Variants in SMG1 observed in about 807,000 individuals in gnomAD.
SMG1 encodes SMG1 nonsense mediated mRNA decay associated PI3K related kinase, also known as serine/threonine-protein kinase SMG1.
A neutral mutation model predicts 419.9 loss-of-function variants in SMG1; 22 were observed. The ratio of observed to expected loss-of-function variants is 0.05; its 90% CI spans 0.04 to 0.07. The LOEUF (loss-of-function observed/expected upper bound fraction) is 0.07, where lower values mean the gene tolerates loss of function less well. Among genes scored for constraint, SMG1 ranks in the 10% least tolerant of loss-of-function variants. The probability of loss-of-function intolerance (pLI) is 1.00; values close to 1 mark genes in which losing one functional copy is unlikely to be tolerated. For synonymous variants in SMG1, 1,538 were observed against 1,553.5 expected (o/e 0.99, Z 0.23); for missense variants, 3,185 against 4,342.0 (o/e 0.73, Z 7.49).
intron 22 of SMG1, 126 bp from the exon 23 acceptor site, chr16:18,866,901 TCAC>T (rs1167489681): frequency 1.5e-6 from 1 of 650,440 alleles, no homozygotes; most frequent in Non-Finnish European, 2.6e-6. Context: ...TTCACAATTT[TCAC>T]ATTATTTAGC....
chr16:18,882,964 T>A (rs1233681474), intron 9 of SMG1, among the ~76,000 whole-genome samples: 1 of 152,064 alleles, frequency 6.6e-6, no homozygotes, highest in Non-Finnish European at 1.5e-5. Context: ...GTGTGGCTTA[T>A]GAGAGGTAAA....
chr16:18,902,907 T>C (rs536792784), intron 1 of SMG1, among the ~76,000 whole-genome samples: 1 of 152,128 alleles, frequency 6.6e-6, no homozygotes, highest in East Asian at 1.9e-4. Context: ...AGTGGCGCAA[T>C]CCGAGCTCAA....
intron 1 of SMG1, among the ~76,000 whole-genome samples, chr16:18,924,619 CTT>C (rs2038320608): frequency 1.3e-5 from 2 of 152,250 alleles, no homozygotes; most frequent in African/African-American, 2.4e-5. Context: ...CTCACAAACT[CTT>C]AAGTGGTACA....
chr16:18,843,688 AAAG>A (rs1217580025), intron 39 of SMG1, among the ~76,000 whole-genome samples: 3 of 152,226 alleles, frequency 2.0e-5, no homozygotes, highest in East Asian at 1.9e-4. Context: ...ATGGCAGTAA[AAAG>A]AAGTAGACGT....
intron 19 of SMG1, 33 bp from the exon 20 acceptor site, chr16:18,869,336 T>C (rs2035688245): frequency 6.5e-7 from 1 of 1,530,808 alleles, no homozygotes; most frequent in South Asian, 1.2e-5. Context: ...TAAAAGACAA[T>C]GACAACTTCA....
At position 18,837,378 on chromosome 16, in the gene SMG1, A is replaced by G. The variant is rs750001788; in HGVS notation, c.7479T>C (p.Asp2493=). 5.0e-6 allele frequency: 8 copies of G among 1,613,882 alleles called. No homozygotes were observed. The African/African-American group carries it at 1.1e-4, about 22-fold the overall frequency. ...VVLPKLDGSL[D]EYLSLQEQLT... ...GTTGCTCTTGCAAGCTTAGGTATTC[A>G]TCTAAGCTACCGTCCAACTTGGGAA... The change falls in exon 46 of 63, where the codon GAT becomes GAC. Residue 2493 remains aspartate, a synonymous_variant. Coordinates refer to ENST00000446231, the MANE Select transcript of SMG1 (RefSeq NM_015092.5).
chr16:18,862,396 T>C (rs1253138756), intron 25 of SMG1, among the ~76,000 whole-genome samples: 2 of 152,234 alleles, frequency 1.3e-5, no homozygotes, highest in African/African-American at 4.8e-5. Flanking sequence ...ACAAAGGCTC[T>C]AGAGTATAGA....
chr16:18,850,317 T>C lies in SMG1; in HGVS notation c.5203A>G (p.Lys1735Glu). ...ATEGVIKVWR[K>E]VVDRIFSLYK... is the part of the protein sequence containing the mutation. ...AGGCTGAATATTCTATCTACAACTTTCCTCCACACTTTAATAACTCCTTCA... is the reference window on the plus strand; with the variant it reads ...AGGCTGAATATTCTATCTACAACTTCCCTCCACACTTTAATAACTCCTTCA... The change falls in exon 34 of 63, where the codon AAA becomes GAA. Residue 1735 changes from lysine to glutamate, a missense_variant. This residue lies in a region of SMG1 where 493 missense variants were observed against 552.9 expected (regional missense o/e 0.89). Transcript: ENST00000446231. 6.2e-7 allele frequency: 1 copy of C among 1,613,960 alleles called. No homozygotes were observed. Among genetic ancestry groups the C allele is most frequent in the Non-Finnish European group, 8.5e-7 (1 of 1,179,874 alleles).
At chr16:18,867,417 C>T (rs568487591) in intron 22 of SMG1, among the ~76,000 whole-genome samples, 1 of 151,704 alleles carries the variant, frequency 6.6e-6, no homozygotes, top group East Asian at 1.9e-4. Flanking sequence ...GCCTGTAATC[C>T]CAGGGACTGA....
chr16:18,910,331 A>C (rs1365789458), intron 1 of SMG1, among the ~76,000 whole-genome samples: 1 of 151,250 alleles, frequency 6.6e-6, no homozygotes, highest in Non-Finnish European at 1.5e-5. Flanking sequence ...CCTGGGTTCA[A>C]GCAATTCTCC....
intron 12 of SMG1, among the ~76,000 whole-genome samples, 163 bp from the exon 13 acceptor site, chr16:18,876,556 G>A (rs967572474): frequency 3.9e-5 from 6 of 152,028 alleles, no homozygotes; most frequent in African/African-American, 1.2e-4. Flanking sequence ...TTAAAAACCA[G>A]TCAGAAAACT....
intron 12 of SMG1, among the ~76,000 whole-genome samples, chr16:18,876,663 C>CATT (rs1555500377): frequency 3.5e-5 from 1 of 28,654 alleles, no homozygotes; most frequent in African/African-American, 8.8e-5. Flanking sequence ...CCGAAATGGC[C>CATT]GTTTTTTTTT....
intron 19 of SMG1, among the ~76,000 whole-genome samples, 171 bp from the exon 20 acceptor site, chr16:18,869,474 A>G (rs2035696812): frequency 6.6e-6 from 1 of 152,228 alleles, no homozygotes. Flanking sequence ...GAGGTCTTTT[A>G]TAGTTAACAG....
intron 1 of SMG1, among the ~76,000 whole-genome samples, chr16:18,909,234 C>T (rs1257188528): frequency 1.3e-5 from 2 of 151,788 alleles, no homozygotes; most frequent in African/African-American, 2.4e-5. Flanking sequence ...CCCAGCTACT[C>T]GGGAGGCTGA....
In SMG1 at chr16:18,815,241, T is replaced by C; in HGVS notation, c.10555A>G (p.Thr3519Ala). 1 of 1,592,912 alleles carries C rather than the reference T, an allele frequency of 6.3e-7. No individual in the cohort carries two copies. The highest frequency in any genetic ancestry group is 1.7e-5 in the Admixed American group (1 of 57,150). ...CTCGAACATTCATTTGTTGCATCGG[T>C]GACTAAGGGTGATGCAAAACTCACT... ...NLVSFASPLV[T>A]DATNECSSPT... The change falls in exon 60 of 63, where the codon ACC becomes GCC. Residue 3519 changes from threonine (T) to alanine (A), a missense_variant. Physicochemically the swap from Thr to Ala is moderately conservative, Grantham distance 58. This residue lies in a region of SMG1 where 737 missense variants were observed against 846.6 expected (regional missense o/e 0.87). Coordinates refer to ENST00000446231, the MANE Select transcript of SMG1 (RefSeq NM_015092.5).
intron 1 of SMG1, chr16:18,925,303 G>A (rs949847809): frequency 2.6e-5 from 4 of 152,158 alleles, no homozygotes; most frequent in African/African-American, 4.8e-5. Flanking sequence ...TCACTCAAGT[G>A]TCCAGGTATG....
Position 18,858,309 on chromosome 16 carries a change from A to T in SMG1, c.4114-19T>A. The T allele has an allele frequency of 1.3e-6, 2 of 1,577,914 alleles. No homozygotes were observed. The highest frequency in any genetic ancestry group is 1.7e-6 in the Non-Finnish European group (2 of 1,169,344). ...GACAGTCCTGCCAGAGAAAAACCAA[A>T]ATTACTCAACATAAAACAGGCTGTT... On this transcript the variant is annotated intron_variant, in intron 28 of 62. Transcript: ENST00000446231.
rs2031931959 is a variant in SMG1 at position 18,815,627 on chromosome 16, C to T, written c.10327G>A (p.Gly3443Ser). 2 of 1,613,786 alleles carry T rather than the reference C, an allele frequency of 1.2e-6. No individual in the cohort carries two copies. Among genetic ancestry groups the T allele is most frequent in the Admixed American group, 1.7e-5 (1 of 60,006 alleles). The change falls in exon 59 of 63, where the codon GGT becomes AGT. Residue 3443 changes from glycine to serine, a missense_variant. This residue lies in a region of SMG1 where 737 missense variants were observed against 846.6 expected (regional missense o/e 0.87). Transcript: ENST00000446231. ...CTGTTCTCATAGGGAACATCTTCAC[C>T]ATCTGCCAGAGCAGCTTCTTCATCC... ...AKDEEAALAD[G>S]EDVPYENSVR...
At chr16:18,853,495 T>C (rs1472116835) in intron 31 of SMG1, 88 bp downstream of exon 31, 2 of 1,147,104 alleles carry the variant, frequency 1.7e-6, no homozygotes, top group African/African-American at 1.6e-5. Flanking sequence ...TTATGGAAAA[T>C]TATAGCCAGC....
Sources: allele counts gnomAD v4.1 joint callset (sites outside exome capture counted in the v4.1 genomes callset), GRCh38; gene constraint gnomAD v4.1.1; regional missense constraint gnomAD v4.1.1; transcripts MANE v1.5; gene names NCBI Gene and HGNC (gene_info 2026-07-23, HGNC 2026-07-21).